The following LIMK2 variants were observed in gnomAD, a reference collection of about 807,000 sequenced individuals.
The protein encoded by LIMK2 is LIM domain kinase 2.
A neutral mutation model predicts 75.7 loss-of-function variants in LIMK2; 35 were observed. The observed-to-expected ratio is 0.46, with a 90% CI of 0.35 to 0.61. The LOEUF is 0.61. LIMK2 is among the 20% of genes least tolerant of loss of function. The pLI is 0.00. For missense variants in LIMK2, 623 were observed against 831.0 expected (o/e 0.75, Z 3.08); for synonymous variants, 301 against 319.2 (o/e 0.94, Z 0.61).
At position 31,212,375 on chromosome 22, in the gene LIMK2, GCCT is replaced by G. The variant is rs754960906; in HGVS notation, c.-25_-23del. On this transcript the variant is annotated 5_prime_UTR_variant, in exon 1 of 16. Coordinates refer to ENST00000331728, the MANE Select transcript of LIMK2 (RefSeq NM_005569.4). ...ACTGAGGGGAGCTGCTGTGTCCCCC[GCCT>G]CCTCCTCCCCATTTCCGCGCTCCCG... The G allele has an allele frequency of 3.7e-6, 5 of 1,334,554 alleles. No individual in the cohort carries two copies. The highest frequency in any genetic ancestry group is 3.9e-6 in the Non-Finnish European group (4 of 1,033,410). The allele number at this position is 1,334,554 out of a possible 1,614,324, so 82.7% of individuals were successfully genotyped here.
At chr22:31,227,680 C>T (rs570318152) in intron 2 of LIMK2, among the ~76,000 whole-genome samples, 4 of 152,242 alleles carry the variant, frequency 2.6e-5, no homozygotes, top group Non-Finnish European at 4.4e-5. Context: ...TAATAAGTAA[C>T]GTCAAAACCC....
intron 12 of LIMK2, 148 bp from the exon 13 acceptor site, chr22:31,272,382 G>C: frequency 1.4e-6 from 1 of 717,052 alleles, no homozygotes; most frequent in East Asian, 2.8e-5. Flanking sequence ...GCCTGAGTGT[G>C]TCTATTTGAT....
intron 11 of LIMK2, 80 bp downstream of exon 11, chr22:31,268,280 G>A (rs2048916780): frequency 1.7e-6 from 2 of 1,171,066 alleles, no homozygotes; most frequent in African/African-American, 1.5e-5. Context: ...GGAAGGTAGA[G>A]ACCCCTTCCT....
chr22:31,243,148 T>G (rs2048637430), intron 2 of LIMK2, among the ~76,000 whole-genome samples: 1 of 152,160 alleles, frequency 6.6e-6, no homozygotes, highest in African/African-American at 2.4e-5. Flanking sequence ...TCACGAACAC[T>G]TGACCTCAAG....
At chr22:31,214,271 A>C (rs2048372176) in intron 1 of LIMK2, among the ~76,000 whole-genome samples, 1 of 152,206 alleles carries the variant, frequency 6.6e-6, no homozygotes, top group South Asian at 2.1e-4. Context: ...TCATTCAAAG[A>C]ATATTTGTTG....
chr22:31,277,461 G>C, intron 15 of LIMK2: 1 of 1,124,626 alleles, frequency 8.9e-7, no homozygotes, highest in Non-Finnish European at 1.1e-6. Flanking sequence ...CATTAGAGTT[G>C]AAATTTTCTG....
intron 14 of LIMK2, among the ~76,000 whole-genome samples, chr22:31,273,913 G>T (rs2048984860): frequency 1.3e-5 from 2 of 151,848 alleles, no homozygotes; most frequent in Non-Finnish European, 2.9e-5. Context: ...GGCCAGGCTG[G>T]TCTTGAACTC....
chr22:31,232,993 C>A (rs1197542764), intron 2 of LIMK2, among the ~76,000 whole-genome samples: 1 of 152,180 alleles, frequency 6.6e-6, no homozygotes, highest in East Asian at 1.9e-4. Flanking sequence ...TTCTGTTTCT[C>A]CCCTGAAACA....
chr22:31,272,459 C>T, intron 12 of LIMK2, 71 bp from the exon 13 acceptor site: 4 of 1,448,188 alleles, frequency 2.8e-6, no homozygotes, highest in Non-Finnish European at 3.7e-6. Context: ...CTTCTCTTGC[C>T]TATGCTTCCT....
chr22:31,218,738 A>C (rs2048408333), intron 1 of LIMK2, among the ~76,000 whole-genome samples: 1 of 152,116 alleles, frequency 6.6e-6, no homozygotes, highest in Admixed American at 6.6e-5. Context: ...GCTTTGTCCC[A>C]GAACAAGTGG....
At chr22:31,241,830 C>T (rs2048626219) in intron 2 of LIMK2, among the ~76,000 whole-genome samples, 1 of 152,150 alleles carries the variant, frequency 6.6e-6, no homozygotes, top group African/African-American at 2.4e-5. Flanking sequence ...CTTTTGTACT[C>T]ATCATCTAGT....
At chr22:31,269,297 T>C (rs1199303761) in intron 11 of LIMK2, among the ~76,000 whole-genome samples, 3 of 146,294 alleles carry the variant, frequency 2.1e-5, no homozygotes, top group Non-Finnish European at 3.0e-5. Context: ...TTTTTTTTTT[T>C]TTTTTTTTTT....
At chr22:31,230,054 T>C in intron 2 of LIMK2, 1 of 132,086 alleles carries the variant, frequency 7.6e-6, no homozygotes, top group East Asian at 2.8e-4. Context: ...CTTTCTTTCT[T>C]TCTTTTTTTT....
At chr22:31,271,670 G>C (rs2048958248) in intron 12 of LIMK2, among the ~76,000 whole-genome samples, 1 of 152,088 alleles carries the variant, frequency 6.6e-6, no homozygotes, top group African/African-American at 2.4e-5. Flanking sequence ...TTACTGACTT[G>C]CTATCTGGCT....
rs2048689248 is a variant in LIMK2 at position 31,248,256 on chromosome 22, T to C, written c.117-10035T>C. On this transcript the variant is annotated intron_variant, in intron 2 of 15. Transcript: ENST00000331728. ...AGCTCCACCCCTTGCCTGCAAGGTC[T>C]GTTTCCTAACAGCTGCTCCAACCAC... 7 of 941,672 alleles carry C rather than the reference T, an allele frequency of 7.4e-6. No individual in the cohort carries two copies. The Admixed American group carries it at 2.6e-4, about 35-fold the overall frequency. 58.3% of individuals were successfully genotyped at this position (941,672 alleles called of 1,614,324 possible).
chr22:31,269,042 G>T (rs898664339), intron 11 of LIMK2, among the ~76,000 whole-genome samples: 1 of 121,438 alleles, frequency 8.2e-6, no homozygotes, highest in African/African-American at 2.7e-5. Flanking sequence ...TTTTTTGTTT[G>T]TTTGTTTGTT....
In LIMK2 at chr22:31,278,294, T is replaced by C. The variant is rs1404217917; in HGVS notation, c.1773-3T>C. The C allele has an allele frequency of 2.5e-6, 4 of 1,611,002 alleles. No individual in the cohort carries two copies. Among genetic ancestry groups the C allele is most frequent in the East Asian group, 4.5e-5 (2 of 44,852 alleles). The stretch of plus-strand genomic sequence containing the variant: ...GCCTCTAATTTACCTCTTTTCCTTC[T>C]AGACCAGCATTCTCGAAATTGGAGG... On this transcript the variant is annotated splice_region_variant and splice_polypyrimidine_tract_variant and intron_variant, in intron 15 of 15. Coordinates refer to ENST00000331728, the MANE Select transcript of LIMK2 (RefSeq NM_005569.4).
At position 31,278,420 on chromosome 22, in the gene LIMK2, G is replaced by A. The variant is rs1278425825; in HGVS notation, c.1896G>A (p.Leu632=). The stretch of plus-strand genomic sequence containing the variant: ...ACACTGTGAGCATGCAGTACGGCCT[G>A]ACCCGGGACTCACCTCCCTAGCCCT... The part of the protein sequence containing the change: ...LDHTVSMQYG[L]TRDSPP The change falls in exon 16 of 16, where the codon CTG becomes CTA. Residue 632 remains leucine, a synonymous_variant. Coordinates refer to ENST00000331728, the MANE Select transcript of LIMK2 (RefSeq NM_005569.4). 1.9e-6 allele frequency: 3 copies of A among 1,612,396 alleles called. No individual in the cohort carries two copies. The highest frequency in any genetic ancestry group is 2.2e-5 in the East Asian group (1 of 44,806).
At chr22:31,258,646 G>A in intron 3 of LIMK2, 1 of 520,714 alleles carries the variant, frequency 1.9e-6, no homozygotes, top group Non-Finnish European at 3.4e-6. Context: ...GGGAGTGGGA[G>A]GAGAGGCAGG....
Sources: allele counts gnomAD v4.1 joint callset (sites outside exome capture counted in the v4.1 genomes callset), GRCh38; gene constraint gnomAD v4.1.1; transcripts MANE v1.5; gene names NCBI Gene and HGNC (gene_info 2026-07-23, HGNC 2026-07-21).